GRID2: variants seen among roughly 807,000 people sequenced by gnomAD.
GRID2 encodes glutamate ionotropic receptor delta type subunit 2.
GRID2 carries 33 observed loss-of-function variants against 114.8 expected under a neutral mutation model. The observed-to-expected ratio is 0.29, with a 90% CI of 0.22 to 0.38. The LOEUF (loss-of-function observed/expected upper bound fraction) is 0.38. Ranked by LOEUF, GRID2 falls within the 10% of genes least tolerant of loss-of-function variation. The probability of loss-of-function intolerance (pLI) is 1.00; values close to 1 mark genes in which losing one functional copy is unlikely to be tolerated. For missense variants in GRID2, 1,184 were observed against 1,257.7 expected (o/e 0.94, Z 0.89); for synonymous variants, 505 against 449.9 (o/e 1.12, Z -1.55).
chr4:93,716,190 C>A (rs1728884931), intron 14 of GRID2, among the ~76,000 whole-genome samples: 1 of 152,040 alleles, frequency 6.6e-6, no homozygotes. Flanking sequence ...TGTATATAAA[C>A]CTGTAGGCAG....
At chr4:92,479,809 A>C (rs554464046) in intron 1 of GRID2, among the ~76,000 whole-genome samples, 1 of 152,274 alleles carries the variant, frequency 6.6e-6, no homozygotes, top group South Asian at 2.1e-4. Flanking sequence ...TTAGCTAAAA[A>C]CATGTTATTG....
intron 2 of GRID2, among the ~76,000 whole-genome samples, chr4:92,696,839 C>A (rs1734445076): frequency 6.6e-6 from 1 of 152,088 alleles, no homozygotes; most frequent in Non-Finnish European, 1.5e-5. Context: ...TGAAGCTGAG[C>A]CTCTTGTTAC....
chr4:92,872,200 A>C (rs1745327645), intron 2 of GRID2, among the ~76,000 whole-genome samples: 1 of 152,228 alleles, frequency 6.6e-6, no homozygotes, highest in South Asian at 2.1e-4. Flanking sequence ...ATGAAAATGT[A>C]TGCCAAACAT....
intron 1 of GRID2, among the ~76,000 whole-genome samples, chr4:92,371,991 TG>T (rs942520339): frequency 6.6e-6 from 1 of 152,158 alleles, no homozygotes; most frequent in Non-Finnish European, 1.5e-5. Flanking sequence ...AAGACTTCAG[TG>T]GAGGCACTCA....
At chr4:93,212,469 C>G (rs1006330379) in intron 5 of GRID2, among the ~76,000 whole-genome samples, 4 of 152,142 alleles carry the variant, frequency 2.6e-5, no homozygotes, top group Non-Finnish European at 4.4e-5. Flanking sequence ...GTGGATCCAG[C>G]TCAGAGCAGC....
chr4:93,332,275 TGTGTGTGTGTGTGTGTGTGTGTGTGAGA>T (rs1758555124), intron 8 of GRID2, among the ~76,000 whole-genome samples: 10 of 118,550 alleles, frequency 8.4e-5, no homozygotes, highest in African/African-American at 3.9e-4. Flanking sequence ...TGCGTGTGTG[TGTGTGTGTGTGTGTGTGTGTGTGTGAGA>T]GAGAGAGAGA....
chr4:93,190,576 A>T (rs1166990121), intron 4 of GRID2, among the ~76,000 whole-genome samples: 1 of 152,142 alleles, frequency 6.6e-6, no homozygotes, highest in Admixed American at 6.6e-5. Context: ...TTGGCTCTCA[A>T]TAACATTTTT....
At chr4:93,135,902 A>G (rs1227167633) in intron 4 of GRID2, among the ~76,000 whole-genome samples, 1 of 152,194 alleles carries the variant, frequency 6.6e-6, no homozygotes, top group Non-Finnish European at 1.5e-5. Flanking sequence ...TGTGGATCAA[A>G]TGACAATGAA....
intron 2 of GRID2, among the ~76,000 whole-genome samples, chr4:92,730,390 T>C (rs1224581662): frequency 5.9e-5 from 9 of 151,842 alleles, no homozygotes; most frequent in Non-Finnish European, 8.8e-5. Context: ...TAAAGCTGCA[T>C]TGATTTTGTT....
intron 2 of GRID2, among the ~76,000 whole-genome samples, chr4:92,880,862 C>CA (rs1745954085): frequency 6.6e-6 from 1 of 151,762 alleles, no homozygotes; most frequent in Non-Finnish European, 1.5e-5. Context: ...GCGTGGATTA[C>CA]AGGCGCCTGC....
chr4:92,703,150 G>T (rs1178254891), intron 2 of GRID2, among the ~76,000 whole-genome samples: 1 of 152,114 alleles, frequency 6.6e-6, no homozygotes, highest in Non-Finnish European at 1.5e-5. Flanking sequence ...TTTTATATAT[G>T]AAAGTTCAAT....
intron 1 of GRID2, among the ~76,000 whole-genome samples, chr4:93,800,445 T>C (rs948406225): frequency 6.6e-6 from 1 of 152,180 alleles, no homozygotes; most frequent in African/African-American, 2.4e-5. Flanking sequence ...GTAAGTAGCA[T>C]TGAGGAAACA....
chr4:92,318,346 T>C (rs1726119037), intron 1 of GRID2, among the ~76,000 whole-genome samples: 1 of 145,694 alleles, frequency 6.9e-6, no homozygotes, highest in Admixed American at 6.9e-5. Context: ...ATTATATCTG[T>C]TGTTACTCTG....
chr4:92,936,544 A>C (rs566413686), intron 2 of GRID2, among the ~76,000 whole-genome samples: 3 of 146,340 alleles, frequency 2.1e-5, no homozygotes, highest in African/African-American at 7.3e-5. Flanking sequence ...TTAATCATGT[A>C]ATATTAGTAG....
chr4:93,361,093 T>G (rs564291762), intron 8 of GRID2, among the ~76,000 whole-genome samples: 2 of 152,228 alleles, frequency 1.3e-5, no homozygotes, highest in Admixed American at 6.5e-5. Flanking sequence ...TAACACTTAT[T>G]GACATCTATA....
At chr4:92,997,769 G>C (rs1399131610) in intron 2 of GRID2, among the ~76,000 whole-genome samples, 1 of 152,100 alleles carries the variant, frequency 6.6e-6, no homozygotes, top group Non-Finnish European at 1.5e-5. Flanking sequence ...GTCCTGCATT[G>C]AAATTTTAGC....
chr4:93,565,619 A>C (rs1735338586), intron 13 of GRID2, among the ~76,000 whole-genome samples: 1 of 152,220 alleles, frequency 6.6e-6, no homozygotes, highest in African/African-American at 2.4e-5. Context: ...TCAATAGAGA[A>C]ATGCAATGAG....
intron 4 of GRID2, among the ~76,000 whole-genome samples, chr4:93,203,604 A>C (rs1054096606): frequency 6.6e-6 from 1 of 152,186 alleles, no homozygotes; most frequent in Non-Finnish European, 1.5e-5. Flanking sequence ...TATGTTTATT[A>C]AAATTTATTA....
intron 2 of GRID2, among the ~76,000 whole-genome samples, chr4:92,849,105 G>A (rs191585173): frequency 1.6e-4 from 24 of 151,904 alleles, no homozygotes; most frequent in Admixed American, 7.9e-4. Context: ...TGTATATGCC[G>A]CCTACCATCA....
Sources: gnomAD v4.1 joint callset for allele counts (sites outside exome capture counted in the v4.1 genomes callset) on GRCh38, gnomAD v4.1.1 for gene constraint, MANE v1.5 for transcripts, NCBI Gene and HGNC (gene_info 2026-07-23, HGNC 2026-07-21) for gene names.